Variants in AXDND1 observed in about 807,000 individuals in gnomAD.
The protein encoded by AXDND1 is axonemal dynein light chain domain-containing protein 1.
Under a neutral mutation model 137.5 loss-of-function variants are expected in AXDND1, and 110 were observed. That is an observed-to-expected ratio of 0.80 (90% CI 0.69 to 0.94). The LOEUF (loss-of-function observed/expected upper bound fraction) is 0.94. Ranked by LOEUF, AXDND1 falls within the 40% of genes least tolerant of loss-of-function variation. The probability of loss-of-function intolerance (pLI) is 0.00; values close to 1 mark genes in which losing one functional copy is unlikely to be tolerated. For missense variants in AXDND1, 1,191 were observed against 1,169.8 expected, an observed-to-expected ratio of 1.02 and a Z score of -0.26; for synonymous variants, 414 against 399.7, an observed-to-expected ratio of 1.04 and a Z score of -0.43.
intron 18 of AXDND1, among the ~76,000 whole-genome samples, chr1:179,491,319 T>A (rs1396762981): frequency 6.6e-6 from 1 of 151,974 alleles, no homozygotes; most frequent in African/African-American, 2.4e-5. Flanking sequence ...TTCAAAAAAA[T>A]TAAATAAATA....
chr1:179,366,976 T>G (rs1214112645), intron 2 of AXDND1, among the ~76,000 whole-genome samples: 1 of 151,542 alleles, frequency 6.6e-6, no homozygotes, highest in African/African-American at 2.4e-5. Flanking sequence ...TCCCAGCACT[T>G]TGGGAGGCCG....
rs185000116 is a variant in AXDND1, at chr1:179,407,373, G to A, written c.1110-3773G>A. Among the ~76,000 whole-genome samples, 356 of 151,858 alleles carry A rather than the reference G, an allele frequency of 2.3e-3. 1 individual carries two copies. Among genetic ancestry groups the A allele is most frequent in the Middle Eastern group, 6.8e-3 (2 of 294 alleles). On this transcript the variant is annotated intron_variant, in intron 11 of 25. Coordinates refer to ENST00000367618, the MANE Select transcript of AXDND1 (RefSeq NM_144696.6). ...CTCCCGAGTAGCTGAGACTACAGGC[G>A]CGTGCCACCATGACCGGCTAATTTT... is the stretch of plus-strand genomic sequence containing the variant.
At chr1:179,523,063 C>T (rs1670216376) in intron 21 of AXDND1, among the ~76,000 whole-genome samples, 1 of 151,810 alleles carries the variant, frequency 6.6e-6, no homozygotes, top group South Asian at 2.1e-4. Context: ...GTGTTCAATA[C>T]TGATGACTCC....
chr1:179,534,692 A>C (rs774796211), intron 24 of AXDND1, 38 bp from the exon 25 acceptor site: 3 of 1,536,614 alleles, frequency 2.0e-6, no homozygotes. Flanking sequence ...TACTTTTTCA[A>C]CCCTTTCTAT....
chr1:179,492,853 A>T lies in AXDND1; in HGVS notation c.2292-2A>T. The T allele has an allele frequency of 6.3e-7, 1 of 1,585,584 alleles. No homozygotes were observed. Among genetic ancestry groups the T allele is most frequent in the Non-Finnish European group, 8.6e-7 (1 of 1,168,082 alleles). ...TTTTTCTTTTTTTCCCCCTTTTTGCAGTTGTTGCAAAGGGATGGTAACAGC... is the reference window on the plus strand; with the variant it reads ...TTTTTCTTTTTTTCCCCCTTTTTGCTGTTGTTGCAAAGGGATGGTAACAGC... On this transcript the variant is annotated splice_acceptor_variant, in intron 19 of 25. Transcript: ENST00000367618. LOFTEE classifies it high-confidence loss of function.
At chr1:179,499,880 C>A (rs757187969) in intron 20 of AXDND1, among the ~76,000 whole-genome samples, 2 of 151,928 alleles carry the variant, frequency 1.3e-5, no homozygotes, top group Admixed American at 6.6e-5. Context: ...AGAAGACTTG[C>A]GAATAAATTA....
chr1:179,456,830 C>T (rs1256740126), intron 16 of AXDND1: 1 of 800,454 alleles, frequency 1.2e-6, no homozygotes, highest in East Asian at 2.4e-5. Flanking sequence ...TGTGGCCATT[C>T]ACAGTATGCT....
At chr1:179,533,944 TCA>T in intron 24 of AXDND1, 67 bp downstream of exon 24, 1 of 1,423,748 alleles carries the variant, frequency 7.0e-7, no homozygotes, top group Non-Finnish European at 9.9e-7. Flanking sequence ...ACTGAGAAAT[TCA>T]CACTTTTTGG....
Position 179,416,830 on chromosome 1 carries a change from C to A in AXDND1, c.1230+5564C>A, listed in dbSNP as rs529515618. 3.1e-3 allele frequency among the ~76,000 whole-genome samples: 468 copies of A among 152,260 alleles called. 4 individuals are homozygous for A. Among genetic ancestry groups the A allele is most frequent in the Admixed American group, 6.2e-3 (95 of 15,284 alleles). Reference sequence around the variant, plus strand: ...CAGAGATCTACCTGTCTTGTGGCTACCCTAGACAATGCTTCTGTTAGTTTC... The same window carrying A: ...CAGAGATCTACCTGTCTTGTGGCTAACCTAGACAATGCTTCTGTTAGTTTC... On this transcript the variant is annotated intron_variant, in intron 12 of 25. Transcript: ENST00000367618.
rs184630897 is a variant in AXDND1 at position 179,444,442 on chromosome 1, C to T, written c.1564-528C>T. Among the ~76,000 whole-genome samples, 334 of 152,188 alleles carry T rather than the reference C, an allele frequency of 2.2e-3. 3 individuals are homozygous for T. Among genetic ancestry groups the T allele is most frequent in the African/African-American group, 7.8e-3 (326 of 41,538 alleles). ...TCTTATTGAAGGCTGGGTAATGTTC[C>T]TATTATCTGAGCACAAATAATGCCA... On this transcript the variant is annotated intron_variant, in intron 15 of 25. Coordinates refer to ENST00000367618, the MANE Select transcript of AXDND1 (RefSeq NM_144696.6).
intron 16 of AXDND1, among the ~76,000 whole-genome samples, chr1:179,459,000 G>A (rs1661821585): frequency 6.6e-6 from 1 of 151,454 alleles, no homozygotes; most frequent in African/African-American, 2.4e-5. Flanking sequence ...GGAACTATAG[G>A]AAAAAAAGAT....
chr1:179,515,811 A>G (rs1485792699), intron 21 of AXDND1, among the ~76,000 whole-genome samples: 1 of 152,222 alleles, frequency 6.6e-6, no homozygotes, highest in Non-Finnish European at 1.5e-5. Flanking sequence ...AAGAAATTGC[A>G]AGATACAGTC....
chr1:179,456,825 C>T (rs1661476008), intron 16 of AXDND1: 2 of 794,100 alleles, frequency 2.5e-6, no homozygotes, highest in African/African-American at 1.7e-5. Flanking sequence ...ACAGTTGTGG[C>T]CATTCACAGT....
chr1:179,378,537 C>A, intron 4 of AXDND1, 100 bp from the exon 5 acceptor site: 1 of 903,178 alleles, frequency 1.1e-6, no homozygotes, highest in Non-Finnish European at 1.5e-6. Flanking sequence ...ACACAGAGGA[C>A]CATCTTACCC....
intron 15 of AXDND1, among the ~76,000 whole-genome samples, chr1:179,440,185 T>A (rs571277065): frequency 6.6e-6 from 1 of 152,330 alleles, no homozygotes; most frequent in South Asian, 2.1e-4. Context: ...TAATGCCTTG[T>A]CCTCTAGGAT....
intron 18 of AXDND1, among the ~76,000 whole-genome samples, chr1:179,487,615 C>A (rs1666225891): frequency 1.3e-5 from 2 of 148,510 alleles, no homozygotes; most frequent in African/African-American, 5.1e-5. Context: ...TTTTTAATGG[C>A]AGTCACTGCT....
intron 21 of AXDND1, among the ~76,000 whole-genome samples, chr1:179,522,048 T>C (rs539390231): frequency 6.6e-6 from 1 of 152,260 alleles, no homozygotes; most frequent in Admixed American, 6.5e-5. Context: ...TTTTGTTAGA[T>C]CTGGAAAATT....
Position 179,533,848 on chromosome 1 carries a change from T to C in AXDND1, c.2769T>C (p.Ala923=), listed in dbSNP as rs770196582. 1.9e-6 allele frequency: 3 copies of C among 1,613,346 alleles called. No individual in the cohort carries two copies. The South Asian group carries it at 3.3e-5, about 18-fold the overall frequency. ...CCCAAAAATATCTTGAAGCAATGGC[T>C]GTAATTGAACATATGCAGGAGAAGT... is the stretch of plus-strand genomic sequence containing the variant. ...TLAQKYLEAM[A]VIEHMQEKLL... The change falls in exon 24 of 26, where the codon GCT becomes GCC. Residue 923 remains alanine, a synonymous_variant. Coordinates refer to ENST00000367618, the MANE Select transcript of AXDND1 (RefSeq NM_144696.6).
At chr1:179,453,832 C>G (rs930767573) in intron 16 of AXDND1, 1 of 150,970 alleles carries the variant, frequency 6.6e-6, no homozygotes, top group Non-Finnish European at 1.5e-5. Context: ...AATGGACTCT[C>G]CTGCTAGATT....
Sources: gnomAD v4.1 joint callset for allele counts (sites outside exome capture counted in the v4.1 genomes callset) on GRCh38, gnomAD v4.1.1 for gene constraint, MANE v1.5 for transcripts, NCBI Gene and HGNC (gene_info 2026-07-23, HGNC 2026-07-21) for gene names.